Variants in DGKI observed in about 807,000 individuals in gnomAD.
DGKI encodes diacylglycerol kinase iota.
In DGKI, 55 loss-of-function variants were observed where a neutral mutation model predicts 147.5. That is an observed-to-expected ratio of 0.37 (90% CI 0.30 to 0.47). The LOEUF is 0.47. Ranked by LOEUF, DGKI falls within the 20% of genes least tolerant of loss-of-function variation. The pLI is 1.00. For missense variants in DGKI, 1,007 were observed against 1,323.8 expected (o/e 0.76, Z 3.71); for synonymous variants, 469 against 477.1 (o/e 0.98, Z 0.22).
At chr7:137,823,082 A>G (rs1462528947) in intron 1 of DGKI, among the ~76,000 whole-genome samples, 3 of 152,080 alleles carry the variant, frequency 2.0e-5, no homozygotes, top group Non-Finnish European at 4.4e-5. Flanking sequence ...AATACCAGAC[A>G]ATTTCTTGGC....
At chr7:137,655,844 A>C (rs891561664) in intron 4 of DGKI, among the ~76,000 whole-genome samples, 1 of 152,236 alleles carries the variant, frequency 6.6e-6, no homozygotes, top group African/African-American at 2.4e-5. Flanking sequence ...GTGTGAAAGG[A>C]AAGAGGATGG....
intron 12 of DGKI, among the ~76,000 whole-genome samples, chr7:137,588,512 G>A (rs1019126467): frequency 2.7e-4 from 38 of 138,684 alleles, no homozygotes; most frequent in Non-Finnish European, 4.7e-4. Context: ...AGTCTCAATC[G>A]GTCGTCCAGG....
intron 1 of DGKI, among the ~76,000 whole-genome samples, chr7:137,829,938 T>C (rs532181635): frequency 2.0e-5 from 3 of 151,776 alleles, no homozygotes; most frequent in Non-Finnish European, 4.4e-5. Flanking sequence ...TAATAGTAAA[T>C]AGAACTTAAG....
In DGKI at chr7:137,799,821, C is replaced by T. The variant is rs181072323; in HGVS notation, c.401+46641G>A. Among the ~76,000 whole-genome samples, 11 of 152,306 alleles carry T rather than the reference C, an allele frequency of 7.2e-5. No individual in the cohort carries two copies. In the East Asian group the frequency reaches 1.2e-3, roughly 16 times the overall value. ...ATATTGTTTGCTGTCCCATTAGGTG[C>T]GTCCATTTTGAATCTTTAGCCAGCT... On this transcript the variant is annotated intron_variant, in intron 1 of 32. Transcript: ENST00000614521.
chr7:137,495,700 A>G (rs1293189856), intron 21 of DGKI, among the ~76,000 whole-genome samples: 1 of 152,134 alleles, frequency 6.6e-6, no homozygotes, highest in East Asian at 1.9e-4. Context: ...AGAACTAAAG[A>G]CCAAAACTAC....
rs1310058876 is a variant in DGKI, at chr7:137,599,971, TA to T, written c.1168-67del. The T allele has an allele frequency of 2.3e-6, 3 of 1,306,718 alleles. No individual in the cohort carries two copies. The Admixed American group carries it at 5.2e-5, about 23-fold the overall frequency. The allele number at this position is 1,306,718 out of a possible 1,614,324, so 80.9% of individuals were successfully genotyped here. A position where few individuals can be genotyped will look rare whatever the true frequency, so the allele number is the denominator to read the frequency against. ...AATTTCCCAAGAATAACTGCTCATT[TA>T]AAAAATAAATACTTTTATTTAAAAT... On this transcript the variant is annotated intron_variant, in intron 10 of 32. Transcript: ENST00000614521.
intron 28 of DGKI, among the ~76,000 whole-genome samples, chr7:137,426,299 A>G (rs1812802171): frequency 1.3e-5 from 2 of 152,284 alleles, no homozygotes; most frequent in South Asian, 4.1e-4. Context: ...CAGCCAAACT[A>G]AGCTTCATAA....
At chr7:137,829,456 C>T (rs1798158246) in intron 1 of DGKI, among the ~76,000 whole-genome samples, 1 of 152,190 alleles carries the variant, frequency 6.6e-6, no homozygotes, top group Non-Finnish European at 1.5e-5. Context: ...AAATTAGTAT[C>T]TTGACCCTAA....
chr7:137,622,202 G>T (rs192665463), intron 7 of DGKI, among the ~76,000 whole-genome samples: 170 of 152,198 alleles, frequency 1.1e-3, no homozygotes, highest in African/African-American at 4.0e-3. Context: ...GGAGGCTAGA[G>T]ATATTATTAA....
At chr7:137,624,016 G>A (rs531688820) in intron 6 of DGKI, among the ~76,000 whole-genome samples, 3 of 151,210 alleles carry the variant, frequency 2.0e-5, no homozygotes, top group African/African-American at 4.8e-5. Context: ...CTGGAACTCC[G>A]GGTCTGGGAG....
intron 1 of DGKI, among the ~76,000 whole-genome samples, chr7:137,776,456 A>G (rs1259711564): frequency 6.6e-6 from 1 of 152,192 alleles, no homozygotes; most frequent in East Asian, 1.9e-4. Flanking sequence ...GTTTTATATT[A>G]CCATGCAGTG....
intron 1 of DGKI, among the ~76,000 whole-genome samples, chr7:137,772,907 A>G (rs1395473937): frequency 6.6e-6 from 1 of 152,230 alleles, no homozygotes; most frequent in East Asian, 1.9e-4. Context: ...GACAGAACAC[A>G]TCAGCACTAG....
chr7:137,691,886 C>T (rs192431617), intron 1 of DGKI, among the ~76,000 whole-genome samples: 92 of 142,920 alleles, frequency 6.4e-4, no homozygotes, highest in Admixed American at 5.5e-3. Context: ...TAGTTAGAAG[C>T]GATCACATCG....
chr7:137,494,965 A>T (rs1386685611), intron 21 of DGKI, among the ~76,000 whole-genome samples: 1 of 152,098 alleles, frequency 6.6e-6, no homozygotes, highest in Non-Finnish European at 1.5e-5. Context: ...TCTACCAAGC[A>T]GATAGAAAAC....
At chr7:137,806,673 T>C (rs1309418667) in intron 1 of DGKI, among the ~76,000 whole-genome samples, 1 of 152,162 alleles carries the variant, frequency 6.6e-6, no homozygotes, top group South Asian at 2.1e-4. Context: ...GACTTCGTGA[T>C]CTGCCCGCCT....
intron 1 of DGKI, among the ~76,000 whole-genome samples, chr7:137,769,248 T>C (rs2009990): frequency 0.25 from 38,173 of 151,978 alleles, 5,035 homozygotes; most frequent in Middle Eastern, 0.42. Context: ...GATCCAGCAA[T>C]GGTGGTCGAG....
chr7:137,658,027 A>G (rs2116266541), intron 3 of DGKI, among the ~76,000 whole-genome samples: 1 of 152,282 alleles, frequency 6.6e-6, no homozygotes, highest in South Asian at 2.1e-4. Flanking sequence ...TCACTCTCGG[A>G]TTTCCTCTTC....
At chr7:137,445,942 G>A (rs893494897) in intron 27 of DGKI, among the ~76,000 whole-genome samples, 1 of 152,190 alleles carries the variant, frequency 6.6e-6, no homozygotes, top group Non-Finnish European at 1.5e-5. Context: ...GAATCTAAAA[G>A]AGAACCTATA....
Position 137,683,350 on chromosome 7 carries a change from GTCACTC to G in DGKI, c.511-4704_511-4699del, listed in dbSNP as rs1168123581. Among the ~76,000 whole-genome samples the G allele has an allele frequency of 1.8e-3, 259 of 142,632 alleles. 3 individuals are homozygous for G. Among genetic ancestry groups the G allele is most frequent in the Non-Finnish European group, 1.9e-3 (123 of 66,306 alleles). 93.6% of individuals were successfully genotyped at this position (142,632 alleles called of 152,430 possible). On this transcript the variant is annotated intron_variant, in intron 2 of 32. Coordinates refer to ENST00000614521, the MANE Select transcript of DGKI (RefSeq NM_001321708.2). ...TTATCCTTGTCACTCTTTTATCCTT[GTCACTC>G]TTTTTGTTTGTGTTTGTTTGTTTGT... is the stretch of plus-strand genomic sequence containing the variant.
Sources: allele counts gnomAD v4.1 joint callset (sites outside exome capture counted in the v4.1 genomes callset), GRCh38; gene constraint gnomAD v4.1.1; transcripts MANE v1.5; gene names NCBI Gene and HGNC (gene_info 2026-07-23, HGNC 2026-07-21).